UNC5C: variants seen among roughly 807,000 people sequenced by gnomAD.
UNC5C encodes the protein unc-5 netrin receptor C.
UNC5C carries 47 observed loss-of-function variants against 99.8 expected under a neutral mutation model. That is an observed-to-expected ratio of 0.47 (90% CI 0.37 to 0.60). UNC5C has a LOEUF of 0.60. UNC5C is among the 20% of genes least tolerant of loss of function. The probability of loss-of-function intolerance (pLI) is 0.00; values close to 1 mark genes in which losing one functional copy is unlikely to be tolerated. For missense variants in UNC5C, 1,062 were observed against 1,165.9 expected (o/e 0.91, Z 1.30); for synonymous variants, 487 against 452.2 (o/e 1.08, Z -0.98).
At chr4:95,291,492 G>T (rs185431172) in intron 3 of UNC5C, among the ~76,000 whole-genome samples, 6 of 152,098 alleles carry the variant, frequency 3.9e-5, no homozygotes, top group Admixed American at 1.3e-4. Flanking sequence ...TATAACATAC[G>T]TATAGATGAT....
intron 1 of UNC5C, among the ~76,000 whole-genome samples, chr4:95,348,862 G>T (rs1190662185): frequency 6.6e-6 from 1 of 151,202 alleles, no homozygotes; most frequent in African/African-American, 2.4e-5. Flanking sequence ...AACAAGCCAG[G>T]TACAGAAAGA....
Position 95,220,024 on chromosome 4 carries a change from C to A in UNC5C, c.1261G>T (p.Gly421Trp). ...SDIIDSSALN[G>W]GFQPVNIKAA... ...TTGATGTTCACAGGCTGAAAGCCCC[C>A]ATTGAGTGCCGAAGAGTCAATAATA... is the stretch of plus-strand genomic sequence containing the variant. Residue 421 changes from glycine to tryptophan, a missense_variant, in exon 8 of 16, where the codon GGG (glycine) becomes TGG (tryptophan). Around this residue, in one of 3 missense-constraint regions of UNC5C, gnomAD observed 810 missense variants for 854.5 expected, o/e 0.95. Transcript: ENST00000453304. 2.5e-6 allele frequency: 4 copies of A among 1,614,080 alleles called. No individual in the cohort carries two copies. The highest frequency in any genetic ancestry group is 3.4e-6 in the Non-Finnish European group (4 of 1,179,956).
intron 1 of UNC5C, among the ~76,000 whole-genome samples, chr4:95,543,935 G>A (rs888341297): frequency 2.6e-5 from 4 of 152,182 alleles, no homozygotes; most frequent in Non-Finnish European, 2.9e-5. Flanking sequence ...CTACTCCGCA[G>A]CATCTCTTCA....
intron 1 of UNC5C, among the ~76,000 whole-genome samples, chr4:95,484,928 C>G (rs3915845): frequency 0.35 from 53,210 of 151,556 alleles, 10,460 homozygotes; most frequent in Non-Finnish European, 0.45. Context: ...ATTTTTGAAC[C>G]TGTAAACACT....
chr4:95,220,672 T>G (rs551394363), intron 7 of UNC5C, among the ~76,000 whole-genome samples: 4 of 152,306 alleles, frequency 2.6e-5, no homozygotes, highest in Non-Finnish European at 5.9e-5. Flanking sequence ...CTCTTCTCAC[T>G]TTCCCCTAAA....
intron 14 of UNC5C, among the ~76,000 whole-genome samples, chr4:95,172,848 G>A (rs532191707): frequency 4.1e-4 from 63 of 152,174 alleles, no homozygotes; most frequent in Non-Finnish European, 7.8e-4. Flanking sequence ...CCATTTTCAC[G>A]ATATTGATTC....
intron 14 of UNC5C, among the ~76,000 whole-genome samples, chr4:95,179,061 A>G (rs1163476013): frequency 1.3e-5 from 2 of 152,220 alleles, no homozygotes; most frequent in South Asian, 2.1e-4. Flanking sequence ...ATCATTTATA[A>G]TATCAGTACC....
intron 1 of UNC5C, among the ~76,000 whole-genome samples, chr4:95,376,777 C>T (rs534768232): frequency 3.3e-5 from 5 of 152,150 alleles, no homozygotes; most frequent in Non-Finnish European, 5.9e-5. Context: ...ATAATGAATA[C>T]ACTCTACATC....
At chr4:95,506,708 A>G (rs1034740973) in intron 1 of UNC5C, among the ~76,000 whole-genome samples, 6 of 151,948 alleles carry the variant, frequency 3.9e-5, no homozygotes, top group South Asian at 2.1e-4. Flanking sequence ...TGGGGTTGTT[A>G]AATAGCTGTA....
chr4:95,186,166 A>G (rs1354888603), intron 12 of UNC5C, among the ~76,000 whole-genome samples: 1 of 152,198 alleles, frequency 6.6e-6, no homozygotes, highest in Non-Finnish European at 1.5e-5. Flanking sequence ...CTCATGCCTT[A>G]AAAGTTTTAA....
At chr4:95,442,235 G>C (rs1746969804) in intron 1 of UNC5C, among the ~76,000 whole-genome samples, 1 of 151,960 alleles carries the variant, frequency 6.6e-6, no homozygotes, top group African/African-American at 2.4e-5. Flanking sequence ...ACAGGGTTTG[G>C]TCTGTTGCCC....
chr4:95,314,068 C>T (rs762815146), intron 2 of UNC5C, among the ~76,000 whole-genome samples: 33 of 152,160 alleles, frequency 2.2e-4, no homozygotes, highest in Non-Finnish European at 2.1e-4. Flanking sequence ...TCATAATTAT[C>T]TTGTGAATAA....
chr4:95,405,245 A>C (rs1745802876), intron 1 of UNC5C, among the ~76,000 whole-genome samples: 1 of 152,006 alleles, frequency 6.6e-6, no homozygotes, highest in South Asian at 2.1e-4. Flanking sequence ...ACCCCTAGAC[A>C]CTACTGCAGA....
In UNC5C at chr4:95,548,903, G is replaced by T. The variant is rs1318946172; in HGVS notation, c.-46C>A. The stretch of plus-strand genomic sequence containing the variant: ...GGGGAGGGGAGGGGGACAGAGAGAC[G>T]CGCAAACAGCTGAAAGCCCCACTGG... On this transcript the variant is annotated 5_prime_UTR_variant, in exon 1 of 16. Coordinates refer to ENST00000453304, the MANE Select transcript of UNC5C (RefSeq NM_003728.4). 2 of 1,607,298 alleles carry T rather than the reference G, an allele frequency of 1.2e-6. No individual in the cohort carries two copies. Among genetic ancestry groups the T allele is most frequent in the South Asian group, 1.1e-5 (1 of 90,554 alleles).
chr4:95,471,528 C>A lies in UNC5C; in HGVS notation c.124+77206G>T, dbSNP rs116184948. Among the ~76,000 whole-genome samples, 3 of 150,460 alleles carry A rather than the reference C, an allele frequency of 2.0e-5. No homozygotes were observed. The South Asian group carries it at 6.2e-4, about 31-fold the overall frequency. On this transcript the variant is annotated intron_variant, in intron 1 of 15. Transcript: ENST00000453304. ...CCTGCAGTTTACATGAGTACTTGGA[C>A]CCCCCTGACATGCAGTTTACCACAC...
At chr4:95,220,301 A>C in intron 7 of UNC5C, 125 bp from the exon 8 acceptor site, 2 of 976,408 alleles carry the variant, frequency 2.0e-6, no homozygotes, top group Non-Finnish European at 2.9e-6. Flanking sequence ...AATCTATTTC[A>C]AAAGCTATAT....
At chr4:95,206,889 T>G in intron 10 of UNC5C, 93 bp from the exon 11 acceptor site, 1 of 1,092,874 alleles carries the variant, frequency 9.2e-7, no homozygotes, top group South Asian at 2.5e-5. Context: ...TCAAGTAGTT[T>G]TCTCCTGGAA....
chr4:95,286,662 T>C (rs532821698), intron 3 of UNC5C, among the ~76,000 whole-genome samples: 82 of 152,122 alleles, frequency 5.4e-4, no homozygotes, highest in Non-Finnish European at 1.1e-3. Flanking sequence ...AGGCATAAGA[T>C]TTTTTTTCTT....
At chr4:95,460,669 C>T (rs265034) in intron 1 of UNC5C, among the ~76,000 whole-genome samples, 32,532 of 152,206 alleles carry the variant, frequency 0.21, 4,091 homozygotes, top group East Asian at 0.39. Flanking sequence ...GTCCATTAAA[C>T]GTCTTTTTCT....
Sources: allele counts gnomAD v4.1 joint callset (sites outside exome capture counted in the v4.1 genomes callset), GRCh38; gene constraint gnomAD v4.1.1; regional missense constraint gnomAD v4.1.1; transcripts MANE v1.5; gene names NCBI Gene and HGNC (gene_info 2026-07-23, HGNC 2026-07-21).